The following MAP2 variants were observed in gnomAD, a reference collection of about 807,000 sequenced individuals.
MAP2 encodes microtubule associated protein 2.
Under a neutral mutation model 137.6 loss-of-function variants are expected in MAP2, and 14 were observed. The observed-to-expected ratio is 0.10, with a 90% CI of 0.07 to 0.16. The LOEUF is 0.16. MAP2 is among the 10% of genes least tolerant of loss of function. The pLI is 1.00. For missense variants in MAP2, 2,088 were observed against 2,191.5 expected, an observed-to-expected ratio of 0.95 and a Z score of 0.94; for synonymous variants, 786 against 782.3, an observed-to-expected ratio of 1.00 and a Z score of -0.08.
chr2:209,632,551 T>A (rs935034181), intron 4 of MAP2, among the ~76,000 whole-genome samples: 1 of 152,136 alleles, frequency 6.6e-6, no homozygotes, highest in African/African-American at 2.4e-5. Flanking sequence ...CTACAAAGTC[T>A]CTATCTTCAA....
At chr2:209,567,620 G>C (rs1011059845) in intron 2 of MAP2, among the ~76,000 whole-genome samples, 6 of 151,450 alleles carry the variant, frequency 4.0e-5, no homozygotes, top group African/African-American at 1.5e-4. Flanking sequence ...CCGTTTTACA[G>C]AATATTAAAT....
In MAP2 at chr2:209,606,004, T is replaced by C. The variant is rs1369468220; in HGVS notation, c.-106-19049T>C. ...AAGTTAGTGTTAACCGCTGGATAGA[T>C]AGATGCATGTTCATGTAAATACTTA... On this transcript the variant is annotated intron_variant, in intron 3 of 15. Coordinates refer to ENST00000682079, the MANE Select transcript of MAP2 (RefSeq NM_001375505.1). Among the ~76,000 whole-genome samples the C allele has an allele frequency of 2.0e-5, 3 of 152,192 alleles. 1 individual carries two copies. Among genetic ancestry groups the C allele is most frequent in the South Asian group, 4.1e-4 (2 of 4,834 alleles).
intron 2 of MAP2, among the ~76,000 whole-genome samples, chr2:209,575,289 A>G (rs916922950): frequency 6.6e-6 from 1 of 152,072 alleles, no homozygotes; most frequent in African/African-American, 2.4e-5. Flanking sequence ...TGGGAGGCCA[A>G]GGCGGGCGGA....
chr2:209,674,703 A>G (rs565480689), intron 5 of MAP2, among the ~76,000 whole-genome samples: 3 of 151,958 alleles, frequency 2.0e-5, no homozygotes, highest in African/African-American at 4.8e-5. Flanking sequence ...AAGAAATTAC[A>G]TATATAATCA....
chr2:209,618,366 A>G (rs2090156039), intron 3 of MAP2, among the ~76,000 whole-genome samples: 1 of 152,230 alleles, frequency 6.6e-6, no homozygotes, highest in Admixed American at 6.5e-5. Context: ...TAGTCACAAT[A>G]CAAAAGTCCT....
chr2:209,462,926 G>C (rs910841382), intron 1 of MAP2, among the ~76,000 whole-genome samples: 1 of 152,004 alleles, frequency 6.6e-6, no homozygotes, highest in African/African-American at 2.4e-5. Context: ...AATGAAAAGA[G>C]ATTTTTCTGT....
intron 13 of MAP2, among the ~76,000 whole-genome samples, chr2:209,714,823 G>C (rs1223652299): frequency 6.6e-6 from 1 of 152,162 alleles, no homozygotes; most frequent in Non-Finnish European, 1.5e-5. Flanking sequence ...TGGCTGAGCT[G>C]TGAAGTCAGA....
Position 209,725,696 on chromosome 2 carries a change from G to T in MAP2, c.5074-13G>T. On this transcript the variant is annotated splice_polypyrimidine_tract_variant and intron_variant, in intron 13 of 15. Coordinates refer to ENST00000682079, the MANE Select transcript of MAP2 (RefSeq NM_001375505.1). ...TTGAACTATTTTAAGCATGTTTTAT[G>T]TGGTTCACATAGGTACAAATTGTTA... 6.4e-7 allele frequency: 1 copy of T among 1,555,640 alleles called. No individual in the cohort carries two copies. The highest frequency in any genetic ancestry group is 8.7e-7 in the Non-Finnish European group (1 of 1,147,350).
At chr2:209,623,248 G>A (rs547820390) in intron 3 of MAP2, among the ~76,000 whole-genome samples, 1 of 152,284 alleles carries the variant, frequency 6.6e-6, no homozygotes, top group Non-Finnish European at 1.5e-5. Context: ...GTGGAAGTGC[G>A]TGGGAGTGGC....
intron 3 of MAP2, among the ~76,000 whole-genome samples, chr2:209,614,907 G>T (rs774819775): frequency 6.6e-6 from 1 of 152,182 alleles, no homozygotes; most frequent in Non-Finnish European, 1.5e-5. Context: ...AGACTCCAGT[G>T]AGTCGATGAA....
intron 1 of MAP2, among the ~76,000 whole-genome samples, chr2:209,483,426 T>G (rs1417857072): frequency 6.6e-6 from 1 of 152,162 alleles, no homozygotes; most frequent in Non-Finnish European, 1.5e-5. Flanking sequence ...TAAAACAAAT[T>G]AGCCAGTGAT....
At position 209,494,191 on chromosome 2, in the gene MAP2, C is replaced by G. The variant is rs555404420; in HGVS notation, c.-221-13401C>G. 7.3e-4 allele frequency among the ~76,000 whole-genome samples: 111 copies of G among 152,126 alleles called. 3 individuals carry two copies. In the South Asian group the frequency reaches 0.022, roughly 31 times the overall value. On this transcript the variant is annotated intron_variant, in intron 1 of 15. Transcript: ENST00000682079. ...AGCAAACTAACACAGGAACAGAAAA[C>G]CAAACACCACACATTCTCACTGATA...
intron 11 of MAP2, among the ~76,000 whole-genome samples, chr2:209,702,410 G>T (rs2062019251): frequency 6.6e-6 from 1 of 151,232 alleles, no homozygotes; most frequent in Non-Finnish European, 1.5e-5. Flanking sequence ...ACTTTTATTT[G>T]ATTTAGCTCT....
At chr2:209,512,391 AAAAC>A (rs71043936) in intron 2 of MAP2, among the ~76,000 whole-genome samples, 5 of 151,908 alleles carry the variant, frequency 3.3e-5, no homozygotes, top group South Asian at 4.2e-4. Context: ...TTGATCCTTG[AAAAC>A]AAACAAACAA....
At chr2:209,455,752 T>C (rs1701390942) in intron 1 of MAP2, among the ~76,000 whole-genome samples, 1 of 152,188 alleles carries the variant, frequency 6.6e-6, no homozygotes, top group Non-Finnish European at 1.5e-5. Flanking sequence ...TCCTGAGGAA[T>C]GGATGTCTTG....
intron 2 of MAP2, among the ~76,000 whole-genome samples, chr2:209,537,311 TGAAA>T (rs751974239): frequency 6.6e-6 from 1 of 152,196 alleles, no homozygotes; most frequent in Non-Finnish European, 1.5e-5. Context: ...CAAGAATCAC[TGAAA>T]GAAACACACA....
chr2:209,638,370 A>G (rs1484491353), intron 4 of MAP2, among the ~76,000 whole-genome samples: 1 of 152,084 alleles, frequency 6.6e-6, no homozygotes, highest in Non-Finnish European at 1.5e-5. Flanking sequence ...GCCCAACTCA[A>G]CTGATATCAT....
At chr2:209,617,038 A>G (rs539179779) in intron 3 of MAP2, among the ~76,000 whole-genome samples, 1 of 152,286 alleles carries the variant, frequency 6.6e-6, no homozygotes, top group South Asian at 2.1e-4. Context: ...TCTTTATGGC[A>G]AATTCTTACA....
chr2:209,642,591 C>G (rs574115478), intron 4 of MAP2, among the ~76,000 whole-genome samples: 2 of 152,080 alleles, frequency 1.3e-5, no homozygotes, highest in Non-Finnish European at 2.9e-5. Flanking sequence ...TTTGAAATTA[C>G]GTGTTATGCA....
Sources: allele counts gnomAD v4.1 joint callset (sites outside exome capture counted in the v4.1 genomes callset), GRCh38; gene constraint gnomAD v4.1.1; transcripts MANE v1.5; gene names NCBI Gene and HGNC (gene_info 2026-07-23, HGNC 2026-07-21).